ITSN1: variants seen among roughly 807,000 people sequenced by gnomAD.
ITSN1 encodes intersectin-1.
A neutral mutation model predicts 239.8 loss-of-function variants in ITSN1; 58 were observed. The observed-to-expected ratio is 0.24, with a 90% CI of 0.20 to 0.30. The LOEUF is 0.30. ITSN1 is among the 10% of genes least tolerant of loss of function. ITSN1 has a pLI of 1.00. For missense variants in ITSN1, 1,558 were observed against 2,103.3 expected (o/e 0.74, Z 5.07); for synonymous variants, 780 against 770.8 (o/e 1.01, Z -0.20).
intron 1 of ITSN1, among the ~76,000 whole-genome samples, chr21:33,656,444 A>G (rs1269589359): frequency 6.6e-6 from 1 of 152,230 alleles, no homozygotes; most frequent in African/African-American, 2.4e-5. Flanking sequence ...ACCTCATGCA[A>G]AAACCAATAC....
chr21:33,727,577 C>A (rs1391234951), intron 4 of ITSN1, among the ~76,000 whole-genome samples: 1 of 150,628 alleles, frequency 6.6e-6, no homozygotes, highest in Non-Finnish European at 1.5e-5. Flanking sequence ...GGGCCTTCAG[C>A]CCCAACAAGA....
At chr21:33,712,712 CA>C (rs1043135690) in intron 1 of ITSN1, among the ~76,000 whole-genome samples, 148 of 152,084 alleles carry the variant, frequency 9.7e-4, no homozygotes, top group African/African-American at 3.5e-3. Flanking sequence ...AGAGAAAAGA[CA>C]AAAAAGAAAG....
chr21:33,880,722 C>T (rs1183557018), intron 34 of ITSN1, among the ~76,000 whole-genome samples: 1 of 152,080 alleles, frequency 6.6e-6, no homozygotes, highest in East Asian at 1.9e-4. Flanking sequence ...GAGAGGGGTC[C>T]ATAGGGCTCG....
chr21:33,804,573 G>C (rs1010929794), intron 20 of ITSN1, among the ~76,000 whole-genome samples: 8 of 152,194 alleles, frequency 5.3e-5, no homozygotes, highest in Non-Finnish European at 1.2e-4. Flanking sequence ...GTCTGACCTT[G>C]ATGGCTAAGG....
At chr21:33,787,297 G>A (rs1234563646) in intron 16 of ITSN1, among the ~76,000 whole-genome samples, 1 of 152,200 alleles carries the variant, frequency 6.6e-6, no homozygotes, top group Non-Finnish European at 1.5e-5. Context: ...GACATACTGT[G>A]ATCAGTATAC....
chr21:33,719,113 C>T (rs1357176617), intron 2 of ITSN1, among the ~76,000 whole-genome samples: 2 of 152,246 alleles, frequency 1.3e-5, no homozygotes, highest in South Asian at 2.1e-4. Flanking sequence ...CGTTTAAAGA[C>T]ATAACTTCAG....
chr21:33,679,308 C>T (rs529011317), intron 1 of ITSN1, among the ~76,000 whole-genome samples: 1 of 152,284 alleles, frequency 6.6e-6, no homozygotes, highest in African/African-American at 2.4e-5. Flanking sequence ...TTGATGATGT[C>T]TGTGCTTCCA....
intron 1 of ITSN1, among the ~76,000 whole-genome samples, chr21:33,651,802 T>C (rs534272158): frequency 1.8e-4 from 27 of 152,212 alleles, no homozygotes; most frequent in Non-Finnish European, 2.6e-4. Context: ...ATCTGGAGTT[T>C]TAATTAGTAT....
intron 27 of ITSN1, among the ~76,000 whole-genome samples, chr21:33,832,738 G>A (rs1251238856): frequency 6.6e-6 from 1 of 152,196 alleles, no homozygotes; most frequent in East Asian, 1.9e-4. Context: ...TGAGCCAAGG[G>A]GATGGAATCT....
chr21:33,851,437 C>A (rs1452758282), intron 29 of ITSN1, among the ~76,000 whole-genome samples: 1 of 151,216 alleles, frequency 6.6e-6, no homozygotes, highest in East Asian at 2.0e-4. Context: ...CTCGCTCTGT[C>A]ACCCAGGCTG....
chr21:33,714,066 G>A (rs531176354), intron 1 of ITSN1, among the ~76,000 whole-genome samples: 105 of 151,804 alleles, frequency 6.9e-4, no homozygotes, highest in African/African-American at 2.1e-3. Context: ...TCTTGACCTC[G>A]TGATCCACCC....
chr21:33,677,914 C>T (rs915663674), intron 1 of ITSN1, among the ~76,000 whole-genome samples: 3 of 152,190 alleles, frequency 2.0e-5, no homozygotes, highest in African/African-American at 4.8e-5. Flanking sequence ...TTGTGGTCTT[C>T]TGGACGTTGT....
chr21:33,852,642 G>C (rs1179639068), intron 29 of ITSN1, among the ~76,000 whole-genome samples: 1 of 152,032 alleles, frequency 6.6e-6, no homozygotes, highest in Non-Finnish European at 1.5e-5. Context: ...CAACATCTAA[G>C]GGACGGCACA....
chr21:33,680,568 T>G (rs1193401176), intron 1 of ITSN1, among the ~76,000 whole-genome samples: 1 of 152,154 alleles, frequency 6.6e-6, no homozygotes, highest in East Asian at 1.9e-4. Context: ...TGACCTCAAG[T>G]GATCCACCCA....
At chr21:33,645,521 A>G (rs1196454043) in intron 1 of ITSN1, among the ~76,000 whole-genome samples, 1 of 152,092 alleles carries the variant, frequency 6.6e-6, no homozygotes, top group African/African-American at 2.4e-5. Context: ...ACTCGTGCCT[A>G]TATTCCCAGC....
intron 28 of ITSN1, 97 bp downstream of exon 28, chr21:33,834,521 A>G (rs1688859623): frequency 5.7e-6 from 5 of 877,604 alleles, no homozygotes; most frequent in Non-Finnish European, 9.3e-6. Flanking sequence ...TGTTTTTCAC[A>G]TGTGCTTTAA....
chr21:33,751,062 A>C (rs1452111162), intron 6 of ITSN1, among the ~76,000 whole-genome samples: 1 of 152,154 alleles, frequency 6.6e-6, no homozygotes, highest in East Asian at 1.9e-4. Context: ...TATATTTATC[A>C]GGATATATAT....
chr21:33,697,388 A>G (rs1050987328), intron 1 of ITSN1, among the ~76,000 whole-genome samples: 8 of 151,846 alleles, frequency 5.3e-5, no homozygotes, highest in Non-Finnish European at 2.9e-5. Context: ...AGCCTAGATT[A>G]TCTCTTCTTT....
chr21:33,717,644 C>G (rs889326180), intron 1 of ITSN1, among the ~76,000 whole-genome samples: 1 of 152,124 alleles, frequency 6.6e-6, no homozygotes, highest in Non-Finnish European at 1.5e-5. Flanking sequence ...CAAGCTCCAT[C>G]TCCTGGGTTC....
Sources: gnomAD v4.1 joint callset for allele counts (sites outside exome capture counted in the v4.1 genomes callset) on GRCh38, gnomAD v4.1.1 for gene constraint, MANE v1.5 for transcripts, NCBI Gene and HGNC (gene_info 2026-07-23, HGNC 2026-07-21) for gene names.